Variants in ASAP1 observed in about 807,000 individuals in gnomAD.
ASAP1 encodes arf-GAP with SH3 domain, ANK repeat and PH domain-containing protein 1.
Under a neutral mutation model 145.2 loss-of-function variants are expected in ASAP1, and 43 were observed. The ratio of observed to expected loss-of-function variants is 0.30; its 90% CI spans 0.23 to 0.38. The LOEUF (loss-of-function observed/expected upper bound fraction) is 0.38, where lower values mean the gene tolerates loss of function less well. Among genes scored for constraint, ASAP1 ranks in the 10% least tolerant of loss-of-function variants. The probability of loss-of-function intolerance (pLI) is 1.00; values close to 1 mark genes in which losing one functional copy is unlikely to be tolerated. For missense variants in ASAP1, 1,018 were observed against 1,355.3 expected (o/e 0.75, Z 3.91); for synonymous variants, 546 against 515.5 (o/e 1.06, Z -0.80).
chr8:130,319,325 A>G (rs1238241673), intron 3 of ASAP1, among the ~76,000 whole-genome samples: 2 of 152,230 alleles, frequency 1.3e-5, no homozygotes, highest in Non-Finnish European at 2.9e-5. Flanking sequence ...TAAAAAAAGG[A>G]ATAAAAGTAT....
intron 15 of ASAP1, among the ~76,000 whole-genome samples, chr8:130,130,451 T>G (rs905594660): frequency 6.6e-6 from 1 of 152,218 alleles, no homozygotes; most frequent in African/African-American, 2.4e-5. Flanking sequence ...GATAATTTTC[T>G]AGAGAAAATA....
chr8:130,166,584 A>G (rs1249521992), intron 11 of ASAP1, among the ~76,000 whole-genome samples: 1 of 151,968 alleles, frequency 6.6e-6, no homozygotes, highest in Non-Finnish European at 1.5e-5. Flanking sequence ...TCATCTTCCA[A>G]TGTATCTCTA....
chr8:130,252,280 T>G (rs1014948418), intron 3 of ASAP1, among the ~76,000 whole-genome samples: 1 of 152,204 alleles, frequency 6.6e-6, no homozygotes, highest in Non-Finnish European at 1.5e-5. Flanking sequence ...ATTATAATAA[T>G]GTAAATTATC....
chr8:130,074,431 C>A (rs2097457157), intron 27 of ASAP1, among the ~76,000 whole-genome samples: 2 of 138,040 alleles, frequency 1.4e-5, no homozygotes, highest in African/African-American at 2.7e-5. Flanking sequence ...CGGAAAATTC[C>A]AAATAGTAAA....
chr8:130,089,768 T>A (rs762486144), intron 25 of ASAP1, among the ~76,000 whole-genome samples: 1 of 152,240 alleles, frequency 6.6e-6, no homozygotes, highest in Non-Finnish European at 1.5e-5. Flanking sequence ...ATTACTGACC[T>A]GTGTCTGTAG....
At chr8:130,175,095 CTT>C (rs1166660926) in intron 9 of ASAP1, among the ~76,000 whole-genome samples, 1 of 152,134 alleles carries the variant, frequency 6.6e-6, no homozygotes, top group South Asian at 2.1e-4. Flanking sequence ...CTCACCAAGA[CTT>C]TTTTTGTTTT....
At chr8:130,265,681 C>T (rs910424436) in intron 3 of ASAP1, among the ~76,000 whole-genome samples, 2 of 151,844 alleles carry the variant, frequency 1.3e-5, no homozygotes, top group Admixed American at 1.3e-4. Flanking sequence ...TCAAGACCAG[C>T]GACCAGCTTG....
chr8:130,321,296 G>T (rs1823989133), intron 3 of ASAP1, among the ~76,000 whole-genome samples: 1 of 152,044 alleles, frequency 6.6e-6, no homozygotes, highest in Non-Finnish European at 1.5e-5. Flanking sequence ...TGCCACCTCT[G>T]CAAGTACAAC....
At chr8:130,406,192 G>A (rs1422496500) in intron 1 of ASAP1, among the ~76,000 whole-genome samples, 3 of 152,160 alleles carry the variant, frequency 2.0e-5, no homozygotes, top group Non-Finnish European at 4.4e-5. Context: ...TGCTCCTGCT[G>A]CCTAAAGACA....
intron 5 of ASAP1, among the ~76,000 whole-genome samples, chr8:130,189,775 A>T (rs1118887): frequency 0.31 from 47,436 of 152,022 alleles, 7,922 homozygotes; most frequent in East Asian, 0.59. Flanking sequence ...TACCACCAAC[A>T]GCGTATGAGA....
chr8:130,154,014 G>A (rs1398685688), intron 12 of ASAP1, among the ~76,000 whole-genome samples: 1 of 152,048 alleles, frequency 6.6e-6, no homozygotes, highest in African/African-American at 2.4e-5. Flanking sequence ...GACAACATAG[G>A]GAAATCCCAT....
intron 9 of ASAP1, among the ~76,000 whole-genome samples, chr8:130,173,006 A>T (rs189079146): frequency 1.3e-5 from 2 of 152,344 alleles, no homozygotes; most frequent in African/African-American, 4.8e-5. Flanking sequence ...TAATCATCTA[A>T]GTGAGGAGAT....
chr8:130,347,283 C>T (rs2138000319), intron 3 of ASAP1, among the ~76,000 whole-genome samples: 2 of 152,332 alleles, frequency 1.3e-5, no homozygotes, highest in South Asian at 4.1e-4. Context: ...TAAAACTAGG[C>T]AGCACAGTGC....
In ASAP1 at chr8:130,185,042, T is replaced by C. The variant is rs552448351; in HGVS notation, c.530+2194A>G. 1.4e-4 allele frequency among the ~76,000 whole-genome samples: 21 copies of C among 152,336 alleles called. No individual in the cohort carries two copies. The South Asian group carries it at 3.5e-3, about 26-fold the overall frequency. On this transcript the variant is annotated intron_variant, in intron 7 of 29. Coordinates refer to ENST00000518721, the MANE Select transcript of ASAP1 (RefSeq NM_018482.4). ...CACAGAAAATGTCCAGCCTTCTCCA[T>C]TATCAAAACTAATAAATGAACTTTT...
At chr8:130,176,771 AC>A (rs1185747039) in intron 9 of ASAP1, among the ~76,000 whole-genome samples, 1 of 150,854 alleles carries the variant, frequency 6.6e-6, no homozygotes, top group Non-Finnish European at 1.5e-5. Context: ...GCTCACTGCA[AC>A]CTCTGCCTCC....
At chr8:130,126,134 A>T in intron 16 of ASAP1, 45 bp from the exon 17 acceptor site, 1 of 1,571,206 alleles carries the variant, frequency 6.4e-7, no homozygotes, top group East Asian at 2.3e-5. Flanking sequence ...AAGACATCTA[A>T]TTTTAGTGTG....
chr8:130,167,407 G>A (rs749003458), intron 11 of ASAP1, 129 bp downstream of exon 11: 3 of 822,092 alleles, frequency 3.6e-6, no homozygotes, highest in Non-Finnish European at 6.5e-6. Context: ...TCTACATGGG[G>A]CTTATGGTAG....
chr8:130,185,548 G>GA (rs1233133541), intron 7 of ASAP1, among the ~76,000 whole-genome samples: 1 of 151,910 alleles, frequency 6.6e-6, no homozygotes, highest in Non-Finnish European at 1.5e-5. Flanking sequence ...CCAAAATGGT[G>GA]AAACTCCGTC....
At chr8:130,086,213 C>T (rs976666763) in intron 25 of ASAP1, among the ~76,000 whole-genome samples, 1 of 152,228 alleles carries the variant, frequency 6.6e-6, no homozygotes, top group Non-Finnish European at 1.5e-5. Context: ...AGGGCTGGCT[C>T]TCAGCCACAC....
Sources: allele counts gnomAD v4.1 joint callset (sites outside exome capture counted in the v4.1 genomes callset), GRCh38; gene constraint gnomAD v4.1.1; transcripts MANE v1.5; gene names NCBI Gene and HGNC (gene_info 2026-07-23, HGNC 2026-07-21).